ATAD2: variants seen among roughly 807,000 people sequenced by gnomAD.
The protein encoded by ATAD2 is ATPase family AAA domain containing 2.
Under a neutral mutation model 168.9 loss-of-function variants are expected in ATAD2, and 62 were observed. That is an observed-to-expected ratio of 0.37 (90% CI 0.30 to 0.45). ATAD2 has a LOEUF of 0.45. ATAD2 is among the 20% of genes least tolerant of loss of function. ATAD2 has a pLI of 1.00. For synonymous variants in ATAD2, 613 were observed against 571.6 expected (o/e 1.07, Z -1.03); for missense variants, 1,419 against 1,667.8 (o/e 0.85, Z 2.60).
In ATAD2 at chr8:123,357,604, C is replaced by A; in HGVS notation, c.1515G>T (p.Trp505Cys). 6.2e-7 allele frequency: 1 copy of A among 1,613,844 alleles called. No homozygotes were observed. Among genetic ancestry groups the A allele is most frequent in the Non-Finnish European group, 8.5e-7 (1 of 1,179,920 alleles). ...MRKGADCLSK[W>C]VGESERQLRL... ...GTAGCTGTCTTTCAGATTCTCCTACCCATTTACTTAGACAATCAGCACCTT... is the reference window on the plus strand; with the variant it reads ...GTAGCTGTCTTTCAGATTCTCCTACACATTTACTTAGACAATCAGCACCTT... The change falls in exon 12 of 28, where the codon TGG becomes TGT. Residue 505 changes from tryptophan to cysteine, a missense_variant. Around this residue, in one of 5 missense-constraint regions of ATAD2, gnomAD observed 6 missense variants for 26.9 expected, o/e 0.22. Coordinates refer to ENST00000287394, the MANE Select transcript of ATAD2 (RefSeq NM_014109.4).
chr8:123,414,658 A>G (rs559883219), intron 1 of ATAD2, among the ~76,000 whole-genome samples: 1 of 152,358 alleles, frequency 6.6e-6, no homozygotes, highest in Non-Finnish European at 1.5e-5. Flanking sequence ...TGATAAAGGC[A>G]TAACGATAAC....
chr8:123,343,074 T>C (rs527428611), intron 19 of ATAD2, among the ~76,000 whole-genome samples: 1 of 151,808 alleles, frequency 6.6e-6, no homozygotes, highest in African/African-American at 2.4e-5. Context: ...AAACCCCACC[T>C]TCCGGGTTCA....
intron 1 of ATAD2, among the ~76,000 whole-genome samples, chr8:123,390,160 G>T (rs2129939883): frequency 6.6e-6 from 1 of 151,348 alleles, no homozygotes; most frequent in African/African-American, 2.4e-5. Flanking sequence ...TGTATTTTTA[G>T]TAGAGACGGG....
intron 1 of ATAD2, among the ~76,000 whole-genome samples, chr8:123,389,178 G>GT (rs1305095866): frequency 1.5e-5 from 2 of 135,124 alleles, no homozygotes; most frequent in African/African-American, 5.5e-5. Flanking sequence ...TGGTTTCACC[G>GT]TGTTAGCCAG....
At chr8:123,345,125 G>A in intron 18 of ATAD2, 56 bp from the exon 19 acceptor site, 1 of 1,468,816 alleles carries the variant, frequency 6.8e-7, no homozygotes, top group Non-Finnish European at 9.2e-7. Flanking sequence ...AATAATGCTA[G>A]TTCTATTAGT....
At chr8:123,376,677 A>G (rs1227461207) in intron 2 of ATAD2, among the ~76,000 whole-genome samples, 1 of 152,004 alleles carries the variant, frequency 6.6e-6, no homozygotes, top group East Asian at 1.9e-4. Context: ...TAATATGGCC[A>G]GGCACTGTGG....
chr8:123,369,448 T>A (rs1439476669), intron 7 of ATAD2: 4 of 230,614 alleles, frequency 1.7e-5, no homozygotes, highest in African/African-American at 9.1e-5. Flanking sequence ...TGTAGAGATG[T>A]GTAACAGGTT....
intron 1 of ATAD2, among the ~76,000 whole-genome samples, chr8:123,394,293 G>C (rs1336575909): frequency 6.6e-6 from 1 of 152,140 alleles, no homozygotes; most frequent in Non-Finnish European, 1.5e-5. Flanking sequence ...TGGTAAACCT[G>C]AGAAGCTGAA....
intron 1 of ATAD2, among the ~76,000 whole-genome samples, chr8:123,414,221 T>C (rs1454944234): frequency 6.6e-6 from 1 of 151,840 alleles, no homozygotes; most frequent in Admixed American, 6.6e-5. Flanking sequence ...AAGTACTTTA[T>C]ATACATAAAC....
rs746765858 is a variant in ATAD2, at chr8:123,369,954, ATCATCATCT to A, written c.789_797del (p.Glu263_Asp265del). The A allele has an allele frequency of 1.0e-4, 160 of 1,578,914 alleles. No individual in the cohort carries two copies. Among genetic ancestry groups the A allele is most frequent in the Middle Eastern group, 5.0e-4 (3 of 5,994 alleles). On this transcript the variant is annotated inframe_deletion, in exon 7 of 28. Transcript: ENST00000287394. ...CATCATCATCATCATCGTCATCATCATCATCATCTTCATCATCTTCATCTTCACCATCAT... is the reference window on the plus strand; with the variant it reads ...CATCATCATCATCATCGTCATCATCATCATCATCTTCATCTTCACCATCAT...
At position 123,323,763 on chromosome 8, in the gene ATAD2, ATCCTTT is replaced by A. The variant is rs1469725645; in HGVS notation, c.4003-703_4003-698del. Among the ~76,000 whole-genome samples, 29 of 152,294 alleles carry A rather than the reference ATCCTTT, an allele frequency of 1.9e-4. 1 individual carries two copies. Among genetic ancestry groups the A allele is most frequent in the African/African-American group, 7.0e-4 (29 of 41,568 alleles). On this transcript the variant is annotated intron_variant, in intron 26 of 27. Transcript: ENST00000287394. Reference sequence around the variant, plus strand: ...ACATTAAATAGTCACCTCCAACTACATCCTTTATACAAATTATTCTATAGCAAGTAT... The same window carrying A: ...ACATTAAATAGTCACCTCCAACTACAATACAAATTATTCTATAGCAAGTAT...
rs555718366 is a variant in ATAD2 at position 123,361,558 on chromosome 8, G to A, written c.1138C>T (p.Arg380Cys). The change falls in exon 9 of 28, where the codon CGT (arginine) becomes TGT (cysteine). Residue 380 changes from arginine (R) to cysteine (C), a missense_variant. Arg to Cys is a radical substitution (Grantham distance 180). Around this residue, in one of 5 missense-constraint regions of ATAD2, gnomAD observed 146 missense variants for 188.3 expected, o/e 0.78. Transcript: ENST00000287394. Reference sequence around the variant, plus strand: ...ACTTACCTATTGATAGCCCTATTACGACTCCTTTTCCTCCGCCTCTCAAAG... The same window carrying A: ...ACTTACCTATTGATAGCCCTATTACAACTCCTTTTCCTCCGCCTCTCAAAG... ...QHFERRRKRSRNRAINRCLPL... is the reference protein window; with the variant it reads ...QHFERRRKRSCNRAINRCLPL... 1.9e-5 allele frequency: 30 copies of A among 1,612,818 alleles called. 1 individual carries two copies. The South Asian group carries it at 3.0e-4, about 16-fold the overall frequency.
chr8:123,410,257 T>C (rs550617257), intron 1 of ATAD2, among the ~76,000 whole-genome samples: 107 of 150,946 alleles, frequency 7.1e-4, no homozygotes, highest in African/African-American at 2.6e-3. Context: ...TATCCGTTTT[T>C]ATAGTTTCTA....
intron 18 of ATAD2, among the ~76,000 whole-genome samples, chr8:123,345,747 G>C (rs1828220086): frequency 6.6e-6 from 1 of 152,088 alleles, no homozygotes; most frequent in Admixed American, 6.6e-5. Flanking sequence ...AGAAACTGCA[G>C]AATATCTGAG....
chr8:123,377,546 A>T (rs1829358322), intron 2 of ATAD2, among the ~76,000 whole-genome samples: 1 of 152,230 alleles, frequency 6.6e-6, no homozygotes, highest in South Asian at 2.1e-4. Flanking sequence ...AGTTTTATAC[A>T]AATAAAACTA....
chr8:123,381,178 C>G (rs1310716893), intron 1 of ATAD2, among the ~76,000 whole-genome samples: 1 of 152,072 alleles, frequency 6.6e-6, no homozygotes, highest in Non-Finnish European at 1.5e-5. Flanking sequence ...CAGTTTTAAC[C>G]CAGCTAATGC....
chr8:123,360,845 A>G (rs974791435), intron 9 of ATAD2, among the ~76,000 whole-genome samples: 1 of 151,954 alleles, frequency 6.6e-6, no homozygotes, highest in Admixed American at 6.6e-5. Context: ...TAAGCTGGTT[A>G]GTATACATGG....
chr8:123,413,158 G>A (rs192140790), intron 1 of ATAD2, among the ~76,000 whole-genome samples: 3 of 151,334 alleles, frequency 2.0e-5, no homozygotes, highest in East Asian at 1.9e-4. Flanking sequence ...TAGCAGACAC[G>A]ACTGGCCTAA....
At chr8:123,368,234 A>G (rs1829037219) in intron 8 of ATAD2, among the ~76,000 whole-genome samples, 1 of 152,150 alleles carries the variant, frequency 6.6e-6, no homozygotes, top group African/African-American at 2.4e-5. Context: ...CCTGGCCAAC[A>G]TGGTGAAAAC....
Sources: gnomAD v4.1 joint callset for allele counts (sites outside exome capture counted in the v4.1 genomes callset) on GRCh38, gnomAD v4.1.1 for gene constraint, gnomAD v4.1.1 regional missense constraint, MANE v1.5 for transcripts, NCBI Gene and HGNC (gene_info 2026-07-23, HGNC 2026-07-21) for gene names.